Variants in TNXB observed in about 807,000 individuals in gnomAD.
The protein encoded by TNXB is tenascin-X.
In TNXB, 183 loss-of-function variants were observed where a neutral mutation model predicts 340.5. The observed-to-expected ratio is 0.54, with a 90% CI of 0.48 to 0.61. The LOEUF (loss-of-function observed/expected upper bound fraction) is 0.61. Among genes scored for constraint, TNXB ranks in the 20% least tolerant of loss-of-function variants. The pLI, the probability that TNXB is intolerant of heterozygous loss-of-function variation, is 0.00. For missense variants in TNXB, 4,613 were observed against 5,446.4 expected, an observed-to-expected ratio of 0.85 and a Z score of 4.82; for synonymous variants, 2,121 against 2,314.5, an observed-to-expected ratio of 0.92 and a Z score of 2.40.
chr6:32,063,672 T>C (rs1450214374), intron 19 of TNXB, among the ~76,000 whole-genome samples: 2 of 152,218 alleles, frequency 1.3e-5, no homozygotes, highest in East Asian at 1.9e-4. Flanking sequence ...GTGAAATCAA[T>C]TGCTTTGTTT....
Position 32,096,391 on chromosome 6 carries a change from T to A in TNXB, c.1462A>T (p.Thr488Ser). 1 of 1,572,420 alleles carries A rather than the reference T, an allele frequency of 6.4e-7. No homozygotes were observed. Among genetic ancestry groups the A allele is most frequent in the Non-Finnish European group, 8.6e-7 (1 of 1,166,996 alleles). The change falls in exon 3 of 44, where the codon ACA becomes TCA. Residue 488 changes from threonine to serine, a missense_variant. Physicochemically the swap from Thr to Ser is moderately conservative, Grantham distance 58. Coordinates refer to ENST00000644971, the MANE Select transcript of TNXB (RefSeq NM_001365276.2). ...GCGCGCGTGCCGCAGTCCCGGCCTGTGTACCCCGGCCAACACATGCAGCGG... is the reference window on the plus strand; with the variant it reads ...GCGCGCGTGCCGCAGTCCCGGCCTGAGTACCCCGGCCAACACATGCAGCGG... ...SGRCMCWPGY[T>S]GRDCGTRACP... is the part of the protein sequence containing the mutation.
chr6:32,046,566 C>T lies in TNXB; in HGVS notation c.10325-110G>A. On this transcript the variant is annotated intron_variant, in intron 30 of 43. Transcript: ENST00000644971. This position sits in a 1 kb window ranked among gnomAD's most constrained non-coding sequence, Gnocchi z 6.9. The stretch of plus-strand genomic sequence containing the variant: ...GGAAATGGTCCCTCCAGTGTAGCCC[C>T]AGGGACAGCTCCTTGAGGAGACACA... 1 of 977,682 alleles carries T rather than the reference C, an allele frequency of 1.0e-6. No homozygotes were observed. Among genetic ancestry groups the T allele is most frequent in the Admixed American group, 2.9e-5 (1 of 34,584 alleles). The allele number at this position is 977,682 out of a possible 1,614,324, so 60.6% of individuals were successfully genotyped here.
intron 24 of TNXB, among the ~76,000 whole-genome samples, chr6:32,053,940 C>T (rs1315620695): frequency 1.3e-5 from 2 of 151,190 alleles, no homozygotes; most frequent in African/African-American, 2.4e-5. Flanking sequence ...CCACCTCTCC[C>T]TGTCCCTCCA....
At chr6:32,054,469 T>C (rs1363173881) in intron 24 of TNXB, among the ~76,000 whole-genome samples, 2 of 152,244 alleles carry the variant, frequency 1.3e-5, no homozygotes, top group Non-Finnish European at 2.9e-5. Context: ...CAATCCTCAG[T>C]GTCTCTCACA....
chr6:32,079,039 C>T lies in TNXB; in HGVS notation c.4369G>A (p.Val1457Met), dbSNP rs201153451. ...QRVGPVSAVG[V>M]TAPQQEETPP... Reference sequence around the variant, plus strand: ...GCCCCTGCCCCTCACTCACCTGTCACGCCCACGGCGGACACCGGGCCCACG... The same window carrying T: ...GCCCCTGCCCCTCACTCACCTGTCATGCCCACGGCGGACACCGGGCCCACG... Residue 1457 changes from valine (V) to methionine (M), a missense_variant, in exon 11 of 44, where the codon GTG becomes ATG. Val to Met is a conservative substitution (Grantham distance 21). Transcript: ENST00000644971. The surrounding 1 kb of genome is among the most constrained non-coding windows in gnomAD (Gnocchi z 7.1). 3.4e-5 allele frequency: 54 copies of T among 1,611,758 alleles called. No homozygotes were observed. The African/African-American group carries it at 5.6e-4, about 17-fold the overall frequency.
At position 32,079,990 on chromosome 6, in the gene TNXB, A is replaced by G. The variant is rs1219444371; in HGVS notation, c.4043-625T>C. On this transcript the variant is annotated intron_variant, in intron 10 of 43. Coordinates refer to ENST00000644971, the MANE Select transcript of TNXB (RefSeq NM_001365276.2). This position sits in a 1 kb window ranked among gnomAD's most constrained non-coding sequence, Gnocchi z 7.1. ...CCATGGAGTGGGGAGACTGTGGCAC[A>G]AGGGAAACCAGCCCTTCTGTGACCT... Among the ~76,000 whole-genome samples, 1 of 152,178 alleles carries G rather than the reference A, an allele frequency of 6.6e-6. No homozygotes were observed. The highest frequency in any genetic ancestry group is 1.5e-5 in the Non-Finnish European group (1 of 68,036).
rs1777012675 is a variant in TNXB at position 32,048,052 on chromosome 6, GCAAAGGGGCCA to G, written c.10046-51_10046-41del. 1.9e-6 allele frequency: 3 copies of G among 1,582,718 alleles called. No homozygotes were observed. In the African/African-American group the frequency reaches 4.0e-5, roughly 21 times the overall value. On this transcript the variant is annotated intron_variant, in intron 29 of 43. Transcript: ENST00000644971. ...GAGGTGCATGGAGAGTGGGATGGAG[GCAAAGGGGCCA>G]CGGAGCTTCCTGGGCTGCTATGGCT...
Position 32,070,804 on chromosome 6 carries a change from G to A in TNXB, c.4991-390C>T, listed in dbSNP as rs1213945934. Among the ~76,000 whole-genome samples, 2 of 152,192 alleles carry A rather than the reference G, an allele frequency of 1.3e-5. No individual in the cohort carries two copies. The highest frequency in any genetic ancestry group is 1.3e-4 in the Admixed American group (2 of 15,288). On this transcript the variant is annotated intron_variant, in intron 13 of 43. Transcript: ENST00000644971. This position sits in a 1 kb window ranked among gnomAD's most constrained non-coding sequence, Gnocchi z 6.0. ...TTGGCCGGCCCCTGAGGAAAGGGGTGATTTGGCCGGCCCCGAGGAGCGCAG... is the reference window on the plus strand; with the variant it reads ...TTGGCCGGCCCCTGAGGAAAGGGGTAATTTGGCCGGCCCCGAGGAGCGCAG...
Position 32,068,465 on chromosome 6 carries a change from G to T in TNXB, c.6145C>A (p.His2049Asn), listed in dbSNP as rs1211073698. The change falls in exon 17 of 44, where the codon CAT (histidine) becomes AAT (asparagine). Residue 2049 changes from histidine (H) to asparagine (N), a missense_variant. Physicochemically the swap from His to Asn is moderately conservative, Grantham distance 68. Coordinates refer to ENST00000644971, the MANE Select transcript of TNXB (RefSeq NM_001365276.2). The surrounding 1 kb of genome is among the most constrained non-coding windows in gnomAD (Gnocchi z 5.3). The part of the protein sequence containing the change: ...GVTISGLEPD[H>N]KYKMNLYGFH... ...CCGTACAGGTTCATCTTGTATTTAT[G>T]GTCTGGCTCCAGGCCCGAGATGGTG... 3 of 1,613,892 alleles carry T rather than the reference G, an allele frequency of 1.9e-6. No individual in the cohort carries two copies. The highest frequency in any genetic ancestry group is 2.2e-5 in the East Asian group (1 of 44,886).
chr6:32,058,030 C>T lies in TNXB; in HGVS notation c.7825+28G>A, dbSNP rs1302233550. On this transcript the variant is annotated intron_variant, in intron 22 of 43. Coordinates refer to ENST00000644971, the MANE Select transcript of TNXB (RefSeq NM_001365276.2). The surrounding 1 kb of genome is among the most constrained non-coding windows in gnomAD (Gnocchi z 5.1). ...GGGCACATTTTCTAGGGCTGTCTTC[C>T]AACCCTGCCCCACCCACACTCACTC... 1 of 1,576,474 alleles carries T rather than the reference C, an allele frequency of 6.3e-7. No homozygotes were observed. Among genetic ancestry groups the T allele is most frequent in the Non-Finnish European group, 8.6e-7 (1 of 1,162,150 alleles).
At chr6:32,041,515 T>G in intron 43 of TNXB, 65 bp from the exon 44 acceptor site, 1 of 1,208,792 alleles carries the variant, frequency 8.3e-7, no homozygotes, top group South Asian at 1.3e-5. Flanking sequence ...CCGTTCCCCT[T>G]AAGGAGGTAG....
intron 1 of TNXB, among the ~76,000 whole-genome samples, chr6:32,105,068 C>T (rs1418416355): frequency 6.6e-6 from 1 of 152,156 alleles, no homozygotes; most frequent in African/African-American, 2.4e-5. Flanking sequence ...GCCCTACCAT[C>T]ATGTATCCCC....
chr6:32,048,270 G>C, intron 29 of TNXB, 93 bp downstream of exon 29: 1 of 1,342,666 alleles, frequency 7.4e-7, no homozygotes, highest in Non-Finnish European at 1.0e-6. Context: ...TGGGTGCTGA[G>C]GACTGGAGTG....
At chr6:32,056,545 C>T in intron 23 of TNXB, 41 bp downstream of exon 23, 1 of 1,603,482 alleles carries the variant, frequency 6.2e-7, no homozygotes, top group Non-Finnish European at 8.5e-7. Context: ...GAGGGTGACC[C>T]TCCCACGGCT....
chr6:32,072,101 G>A lies in TNXB; in HGVS notation c.4879C>T (p.Gln1627Ter). 6.2e-7 allele frequency: 1 copy of A among 1,613,092 alleles called. No individual in the cohort carries two copies. The highest frequency in any genetic ancestry group is 8.5e-7 in the Non-Finnish European group (1 of 1,179,504). Residue 1627 changes from glutamine to a stop codon, truncating the protein, a stop_gained, in exon 13 of 44, where the codon CAG (glutamine) becomes TAG (stop). Transcript: ENST00000644971. LOFTEE classifies it high-confidence loss of function. The surrounding 1 kb of genome is among the most constrained non-coding windows in gnomAD (Gnocchi z 4.4). ...QPQVVPVAADQREVTIPDLEP... is the reference protein window; with the variant it reads ...QPQVVPVAAD The stretch of plus-strand genomic sequence containing the variant: ...AGGTCAGGGATAGTGACCTCCCGCT[G>A]ATCTGCAGCCACGGGCACCACCTGG...
At position 32,047,865 on chromosome 6, in the gene TNXB, A is replaced by C. The variant is rs1776993665; in HGVS notation, c.10193T>G (p.Val3398Gly). The C allele has an allele frequency of 6.2e-7, 1 of 1,612,200 alleles. No individual in the cohort carries two copies. Among genetic ancestry groups the C allele is most frequent in the African/African-American group, 1.3e-5 (1 of 74,920 alleles). ...QYKDKDGRLQ[V>G]VPVAANQREV... ...CCGCTGGTTGGCTGCCACCGGCACC[A>C]CCTGGAGCCGACCATCCTTATCCTT... is the stretch of plus-strand genomic sequence containing the variant. Residue 3398 changes from valine to glycine, a missense_variant, in exon 30 of 44, where the codon GTG (valine) becomes GGG (glycine). Around this residue, in one of 7 missense-constraint regions of TNXB, gnomAD observed 4,327 missense variants for 4,859.4 expected, o/e 0.89. Transcript: ENST00000644971. This position sits in a 1 kb window ranked among gnomAD's most constrained non-coding sequence, Gnocchi z 6.2.
intron 4 of TNXB, chr6:32,093,463 A>G (rs1780172172): frequency 2.9e-6 from 2 of 689,002 alleles, no homozygotes; most frequent in Non-Finnish European, 5.3e-6. Context: ...TGGCCTGAGG[A>G]GCATAATGAC....
In TNXB at chr6:32,067,093, G is replaced by GAAAAT; in HGVS notation, c.6544+567_6544+568insATTTT. On this transcript the variant is annotated intron_variant, in intron 18 of 43. Coordinates refer to ENST00000644971, the MANE Select transcript of TNXB (RefSeq NM_001365276.2). This position sits in a 1 kb window ranked among gnomAD's most constrained non-coding sequence, Gnocchi z 4.2. ...CTTGTCTAAAAAGAAAGAAAGAAAA[G>GAAAAT]AATGAAAGAAAGAAAGAAAGAGAAA... Among the ~76,000 whole-genome samples, 1 of 135,732 alleles carries GAAAAT rather than the reference G, an allele frequency of 7.4e-6. No homozygotes were observed. Among genetic ancestry groups the GAAAAT allele is most frequent in the Admixed American group, 7.8e-5 (1 of 12,864 alleles). 89.0% of individuals were successfully genotyped at this position (135,732 alleles called of 152,430 possible).
rs1394102917 is a variant in TNXB at position 32,073,389 on chromosome 6, A to G, written c.4681+258T>C. Among the ~76,000 whole-genome samples the G allele has an allele frequency of 6.6e-6, 1 of 152,106 alleles. No individual in the cohort carries two copies. The highest frequency in any genetic ancestry group is 6.5e-5 in the Admixed American group (1 of 15,276). On this transcript the variant is annotated intron_variant, in intron 12 of 43. Coordinates refer to ENST00000644971, the MANE Select transcript of TNXB (RefSeq NM_001365276.2). The surrounding 1 kb of genome is among the most constrained non-coding windows in gnomAD (Gnocchi z 4.6). The stretch of plus-strand genomic sequence containing the variant: ...AAAGTCTGTGGCTGGATTTAGGCCA[A>G]ATGGAAATAAGACATTCCCCTGGGC...
Sources: allele counts gnomAD v4.1 joint callset (sites outside exome capture counted in the v4.1 genomes callset), GRCh38; gene constraint gnomAD v4.1.1; regional missense constraint gnomAD v4.1.1; non-coding constraint Gnocchi (gnomAD v3.1); transcripts MANE v1.5; gene names NCBI Gene and HGNC (gene_info 2026-07-23, HGNC 2026-07-21).